The following BNC2 variants were observed in gnomAD, a reference collection of about 807,000 sequenced individuals.
BNC2 encodes zinc finger protein basonuclin-2.
A neutral mutation model predicts 76.3 loss-of-function variants in BNC2; 20 were observed. That is an observed-to-expected ratio of 0.26 (90% CI 0.18 to 0.38). BNC2 has a LOEUF of 0.38. Ranked by LOEUF, BNC2 falls within the 10% of genes least tolerant of loss-of-function variation. The probability of loss-of-function intolerance (pLI) is 1.00; values close to 1 mark genes in which losing one functional copy is unlikely to be tolerated. For missense variants in BNC2, 1,382 were observed against 1,399.8 expected, an observed-to-expected ratio of 0.99 and a Z score of 0.20; for synonymous variants, 582 against 514.8, an observed-to-expected ratio of 1.13 and a Z score of -1.77.
chr9:16,833,072 C>G (rs959555198), intron 1 of BNC2, among the ~76,000 whole-genome samples: 1 of 147,254 alleles, frequency 6.8e-6, no homozygotes, highest in African/African-American at 2.5e-5. Flanking sequence ...AGAAGTAAAT[C>G]AATTCACCCA....
At chr9:16,758,363 G>A (rs1825450437) in intron 1 of BNC2, among the ~76,000 whole-genome samples, 1 of 148,324 alleles carries the variant, frequency 6.7e-6, no homozygotes, top group Admixed American at 6.8e-5. Context: ...TTTTTTAGAT[G>A]GAGTTTCACT....
At chr9:16,557,159 G>A (rs1414886736) in intron 4 of BNC2, among the ~76,000 whole-genome samples, 1 of 152,018 alleles carries the variant, frequency 6.6e-6, no homozygotes, top group South Asian at 2.1e-4. Flanking sequence ...AATATATTAT[G>A]GGCCTAACCA....
At chr9:16,863,232 A>C (rs552099406) in intron 1 of BNC2, among the ~76,000 whole-genome samples, 2 of 152,226 alleles carry the variant, frequency 1.3e-5, no homozygotes, top group African/African-American at 4.8e-5. Context: ...TATATTCTAC[A>C]CAGTACTTCC....
At chr9:16,767,018 G>T (rs1182900158) in intron 1 of BNC2, among the ~76,000 whole-genome samples, 3 of 152,206 alleles carry the variant, frequency 2.0e-5, no homozygotes, top group African/African-American at 7.2e-5. Context: ...AAAGGGTTTT[G>T]ACATGCCAAT....
chr9:16,720,241 T>C (rs1824112861), intron 3 of BNC2, among the ~76,000 whole-genome samples: 1 of 152,224 alleles, frequency 6.6e-6, no homozygotes, highest in Admixed American at 6.5e-5. Flanking sequence ...AGGGTATTTA[T>C]TCAATTACTG....
chr9:16,435,494 A>T, intron 6 of BNC2, 61 bp downstream of exon 6: 1 of 1,582,176 alleles, frequency 6.3e-7, no homozygotes, highest in Non-Finnish European at 8.7e-7. Context: ...GTGAAGTCCA[A>T]CATGACTGAA....
At chr9:16,446,427 CTT>C (rs917905269) in intron 5 of BNC2, among the ~76,000 whole-genome samples, 1 of 152,000 alleles carries the variant, frequency 6.6e-6, no homozygotes, top group African/African-American at 2.4e-5. Flanking sequence ...GAAGTAGTGG[CTT>C]TGATATATTT....
chr9:16,576,057 A>G (rs1388494467), intron 4 of BNC2, among the ~76,000 whole-genome samples: 2 of 152,140 alleles, frequency 1.3e-5, no homozygotes, highest in Non-Finnish European at 2.9e-5. Flanking sequence ...TCCCCTAAGG[A>G]TCTGGTTCTT....
chr9:16,629,857 T>C (rs146237167), intron 3 of BNC2, among the ~76,000 whole-genome samples: 4 of 152,338 alleles, frequency 2.6e-5, no homozygotes, highest in East Asian at 1.9e-4. Context: ...TGCCTAGATG[T>C]TGATGGCTGC....
intron 3 of BNC2, among the ~76,000 whole-genome samples, chr9:16,659,419 C>A (rs1279115086): frequency 6.6e-6 from 1 of 151,934 alleles, no homozygotes; most frequent in Non-Finnish European, 1.5e-5. Context: ...ACCATCCTGG[C>A]CAACATGGTG....
At chr9:16,809,272 T>C (rs1029686661) in intron 1 of BNC2, among the ~76,000 whole-genome samples, 2 of 152,136 alleles carry the variant, frequency 1.3e-5, no homozygotes, top group African/African-American at 4.8e-5. Flanking sequence ...CACTCTCTGA[T>C]GACCTTTTCA....
intron 1 of BNC2, among the ~76,000 whole-genome samples, chr9:16,752,641 A>C (rs1440356269): frequency 1.8e-5 from 1 of 57,024 alleles, no homozygotes; most frequent in Non-Finnish European, 4.5e-5. Context: ...CACAAGTTAC[A>C]AAATAATCTG....
intron 2 of BNC2, among the ~76,000 whole-genome samples, chr9:16,731,218 A>G (rs1203960839): frequency 3.3e-5 from 5 of 152,214 alleles, no homozygotes; most frequent in Admixed American, 1.3e-4. Context: ...TTATATGAAA[A>G]TTATTTAAAA....
chr9:16,413,805 T>G lies in BNC2; in HGVS notation c.*5184A>C, dbSNP rs2118937142. ...TGTGAAGAGAAGTTACTTACATACC[T>G]CATAGAACAGTAAATGAGCTCCCAT... On this transcript the variant is annotated 3_prime_UTR_variant, in exon 7 of 7. Coordinates refer to ENST00000380672, the MANE Select transcript of BNC2 (RefSeq NM_017637.6). 1 of 152,284 alleles carries G rather than the reference T, an allele frequency of 6.6e-6. No homozygotes were observed. The highest frequency in any genetic ancestry group is 6.5e-5 in the Admixed American group (1 of 15,302). 9.4% of individuals were successfully genotyped at this position (152,284 alleles called of 1,614,324 possible).
intron 1 of BNC2, among the ~76,000 whole-genome samples, chr9:16,797,450 G>C (rs535819548): frequency 6.6e-6 from 1 of 152,292 alleles, no homozygotes; most frequent in African/African-American, 2.4e-5. Context: ...AATCATGCCA[G>C]TGAATCTCAT....
chr9:16,666,872 TTTTG>T (rs1350082231), intron 3 of BNC2, among the ~76,000 whole-genome samples: 6 of 152,220 alleles, frequency 3.9e-5, no homozygotes, highest in African/African-American at 1.4e-4. Flanking sequence ...AACCTGAACA[TTTTG>T]TTTGCCTGAC....
At chr9:16,754,395 C>A (rs377242318) in intron 1 of BNC2, among the ~76,000 whole-genome samples, 17 of 152,058 alleles carry the variant, frequency 1.1e-4, no homozygotes, top group African/African-American at 4.1e-4. Flanking sequence ...TTGCCCCAAC[C>A]CAACAAACTT....
chr9:16,610,755 C>T (rs1351058191), intron 3 of BNC2, among the ~76,000 whole-genome samples: 2 of 152,160 alleles, frequency 1.3e-5, no homozygotes, highest in African/African-American at 4.8e-5. Flanking sequence ...AGGGGTACAA[C>T]ATCATACACA....
intron 1 of BNC2, among the ~76,000 whole-genome samples, chr9:16,811,689 T>C (rs1818059746): frequency 6.6e-6 from 1 of 152,026 alleles, no homozygotes. Context: ...AGTGCAAACC[T>C]TTCTGCAAAA....
Sources: gnomAD v4.1 joint callset for allele counts (sites outside exome capture counted in the v4.1 genomes callset) on GRCh38, gnomAD v4.1.1 for gene constraint, MANE v1.5 for transcripts, NCBI Gene and HGNC (gene_info 2026-07-23, HGNC 2026-07-21) for gene names.